Variants in LRRTM4 observed in about 807,000 individuals in gnomAD.
LRRTM4 encodes the protein leucine-rich repeat transmembrane neuronal protein 4.
Under a neutral mutation model 47.6 loss-of-function variants are expected in LRRTM4, and 25 were observed. The ratio of observed to expected loss-of-function variants is 0.53; its 90% CI spans 0.38 to 0.73. The LOEUF (loss-of-function observed/expected upper bound fraction) is 0.73, where lower values mean the gene tolerates loss of function less well. Among genes scored for constraint, LRRTM4 ranks in the 30% least tolerant of loss-of-function variants. LRRTM4 has a pLI of 0.00. For synonymous variants in LRRTM4, 311 were observed against 269.5 expected, an observed-to-expected ratio of 1.15 and a Z score of -1.51; for missense variants, 638 against 713.4, an observed-to-expected ratio of 0.89 and a Z score of 1.20.
intron 3 of LRRTM4, among the ~76,000 whole-genome samples, chr2:77,084,878 G>C (rs1207702217): frequency 6.6e-6 from 1 of 152,170 alleles, no homozygotes; most frequent in Non-Finnish European, 1.5e-5. Flanking sequence ...ATGTAGGCCA[G>C]AGTTTAATGT....
chr2:76,775,090 A>G (rs1673905316), intron 3 of LRRTM4, among the ~76,000 whole-genome samples: 1 of 152,092 alleles, frequency 6.6e-6, no homozygotes, highest in Non-Finnish European at 1.5e-5. Context: ...TTGCATATCC[A>G]TTATCTCTTC....
At chr2:77,162,207 G>A (rs547304380) in intron 3 of LRRTM4, among the ~76,000 whole-genome samples, 34 of 152,236 alleles carry the variant, frequency 2.2e-4, no homozygotes, top group Non-Finnish European at 2.6e-4. Context: ...CCACACCCAC[G>A]GAGCCTCGCT....
intron 3 of LRRTM4, among the ~76,000 whole-genome samples, chr2:77,244,223 A>G (rs544304571): frequency 1.1e-3 from 152 of 139,414 alleles, no homozygotes; most frequent in African/African-American, 4.0e-3. Flanking sequence ...TAATGCCGCA[A>G]TAAACATACG....
At chr2:76,994,819 A>C (rs1342084831) in intron 3 of LRRTM4, among the ~76,000 whole-genome samples, 1 of 152,014 alleles carries the variant, frequency 6.6e-6, no homozygotes, top group Non-Finnish European at 1.5e-5. Context: ...TGAATGTGTG[A>C]AATTGATTCA....
chr2:77,136,038 G>C (rs991711106), intron 3 of LRRTM4, among the ~76,000 whole-genome samples: 1 of 152,060 alleles, frequency 6.6e-6, no homozygotes, highest in Non-Finnish European at 1.5e-5. Flanking sequence ...CAAGATGGCC[G>C]AATAGGAACA....
intron 3 of LRRTM4, among the ~76,000 whole-genome samples, chr2:76,911,037 G>A (rs75166957): frequency 0.073 from 11,073 of 152,216 alleles, 935 homozygotes; most frequent in African/African-American, 0.2. Context: ...TGAATACAAG[G>A]AATTCCATTT....
chr2:76,875,985 A>G (rs116717646), intron 3 of LRRTM4, among the ~76,000 whole-genome samples: 2,470 of 152,206 alleles, frequency 0.016, 66 homozygotes, highest in African/African-American at 0.052. Flanking sequence ...CAGTTATGGG[A>G]GAAACCATCT....
chr2:77,116,224 A>G (rs1170408582), intron 3 of LRRTM4, among the ~76,000 whole-genome samples: 1 of 152,102 alleles, frequency 6.6e-6, no homozygotes, highest in Non-Finnish European at 1.5e-5. Flanking sequence ...ATGAACAACC[A>G]AAGGTGGTGT....
chr2:76,797,631 T>TC (rs2103751567), intron 3 of LRRTM4, among the ~76,000 whole-genome samples: 2 of 151,462 alleles, frequency 1.3e-5, no homozygotes, highest in African/African-American at 4.8e-5. Flanking sequence ...ACTTTAAATG[T>TC]AAATGGACTA....
chr2:77,078,581 C>T (rs1680427684), intron 3 of LRRTM4, among the ~76,000 whole-genome samples: 1 of 152,088 alleles, frequency 6.6e-6, no homozygotes, highest in South Asian at 2.1e-4. Flanking sequence ...TATGGATAAG[C>T]TGTCATGATT....
intron 3 of LRRTM4, among the ~76,000 whole-genome samples, chr2:77,423,460 C>G (rs1674982795): frequency 6.6e-6 from 1 of 152,056 alleles, no homozygotes; most frequent in South Asian, 2.1e-4. Flanking sequence ...GTAACAATCA[C>G]CTAAACAGGG....
chr2:77,000,706 G>C (rs1445737119), intron 3 of LRRTM4, among the ~76,000 whole-genome samples: 4 of 152,154 alleles, frequency 2.6e-5, no homozygotes, highest in African/African-American at 9.7e-5. Flanking sequence ...TAGAACTCAA[G>C]AGTAGTAGAA....
intron 3 of LRRTM4, among the ~76,000 whole-genome samples, chr2:76,769,699 A>G (rs556222734): frequency 3.0e-4 from 46 of 152,226 alleles, no homozygotes; most frequent in African/African-American, 1.1e-3. Context: ...TCGTATCGGC[A>G]TTTTAACAGG....
At chr2:77,036,826 A>G (rs1320383007) in intron 3 of LRRTM4, among the ~76,000 whole-genome samples, 1 of 151,688 alleles carries the variant, frequency 6.6e-6, no homozygotes, top group Non-Finnish European at 1.5e-5. Flanking sequence ...GACATTTTTC[A>G]TACATAAGCG....
At chr2:77,492,322 T>C (rs72811291) in intron 3 of LRRTM4, among the ~76,000 whole-genome samples, 28,961 of 152,044 alleles carry the variant, frequency 0.19, 3,105 homozygotes, top group Non-Finnish European at 0.25. Context: ...TGCCGTGGCA[T>C]GAACATAGCT....
At chr2:76,860,084 G>A (rs749734717) in intron 3 of LRRTM4, among the ~76,000 whole-genome samples, 11 of 152,016 alleles carry the variant, frequency 7.2e-5, no homozygotes, top group Non-Finnish European at 1.3e-4. Flanking sequence ...AATGCCTTAA[G>A]AAAACACACA....
chr2:77,457,044 A>G (rs1285959778), intron 3 of LRRTM4, among the ~76,000 whole-genome samples: 2 of 25,182 alleles, frequency 7.9e-5, no homozygotes, highest in African/African-American at 1.9e-4. Context: ...ATATATATAT[A>G]TATATATGTA....
chr2:77,030,348 C>G (rs374434850), intron 3 of LRRTM4, among the ~76,000 whole-genome samples: 1 of 152,060 alleles, frequency 6.6e-6, no homozygotes, highest in African/African-American at 2.4e-5. Flanking sequence ...GCAGGAGAAT[C>G]GCTTGAACTG....
chr2:77,205,216 G>C (rs1401349716), intron 3 of LRRTM4, among the ~76,000 whole-genome samples: 1 of 152,204 alleles, frequency 6.6e-6, no homozygotes, highest in Admixed American at 6.5e-5. Context: ...GATAAATACA[G>C]CTTTGTTTTT....
Sources: gnomAD v4.1 joint callset for allele counts (sites outside exome capture counted in the v4.1 genomes callset) on GRCh38, gnomAD v4.1.1 for gene constraint, MANE v1.5 for transcripts, NCBI Gene and HGNC (gene_info 2026-07-23, HGNC 2026-07-21) for gene names.